Variants in ADGRL1 observed in about 807,000 individuals in gnomAD.
ADGRL1 encodes adhesion G protein-coupled receptor L1, also known as CIRL-1.
In ADGRL1, 31 loss-of-function variants were observed where a neutral mutation model predicts 148.9. The observed-to-expected ratio is 0.21, with a 90% CI of 0.16 to 0.28. ADGRL1 has a LOEUF of 0.28. Among genes scored for constraint, ADGRL1 ranks in the 10% least tolerant of loss-of-function variants. The pLI is 1.00. For synonymous variants in ADGRL1, 937 were observed against 900.3 expected, an observed-to-expected ratio of 1.04 and a Z score of -0.73; for missense variants, 1,521 against 2,058.8, an observed-to-expected ratio of 0.74 and a Z score of 5.05.
At position 14,151,316 on chromosome 19, in the gene ADGRL1, C is replaced by T; in HGVS notation, c.3967G>A (p.Ala1323Thr). Residue 1323 changes from alanine to threonine, a missense_variant, in exon 23 of 23, where the codon GCT becomes ACT. By Grantham distance (58) the Ala-to-Thr change is moderately conservative. Around this residue, in one of 8 missense-constraint regions of ADGRL1, gnomAD observed 390 missense variants for 375.0 expected, o/e 1.04. Coordinates refer to ENST00000361434, the MANE Select transcript of ADGRL1 (RefSeq NM_014921.5). Reference sequence around the variant, plus strand: ...AGAAGTTCAATCTCGGCCCGGTCAGCACCCCCGGGCCCGCCCGCCTCTTCC... The same window carrying T: ...AGAAGTTCAATCTCGGCCCGGTCAGTACCCCCGGGCCCGCCCGCCTCTTCC... ...GEEEAGGPGG[A>T]DRAEIELLYK... The T allele has an allele frequency of 6.3e-7, 1 of 1,592,784 alleles. No homozygotes were observed. Among genetic ancestry groups the T allele is most frequent in the Non-Finnish European group, 8.5e-7 (1 of 1,170,812 alleles).
rs969243872 is a variant in ADGRL1 at position 14,181,054 on chromosome 19, AT to A, written c.70+2478del. On this transcript the variant is annotated intron_variant, in intron 2 of 22. Transcript: ENST00000361434. ...CAGAGCGAGACTCCATCTCGAAAAA[AT>A]AAATAAATAAAAAATAAATAAACTG... Among the ~76,000 whole-genome samples the A allele has an allele frequency of 2.4e-4, 36 of 152,146 alleles. 1 individual carries two copies. Among genetic ancestry groups the A allele is most frequent in the South Asian group, 1.7e-3 (8 of 4,820 alleles).
chr19:14,192,304 G>A (rs559817013), intron 1 of ADGRL1, among the ~76,000 whole-genome samples: 3 of 151,990 alleles, frequency 2.0e-5, no homozygotes, highest in East Asian at 3.9e-4. Flanking sequence ...GCAGTGGCGC[G>A]ATCTCGGCTC....
intron 1 of ADGRL1, chr19:14,191,362 G>A (rs1198274222): frequency 2.2e-6 from 1 of 456,478 alleles, no homozygotes; most frequent in Non-Finnish European, 4.4e-6. Flanking sequence ...TTTTCTTCTT[G>A]GTAAAACGGG....
At position 14,152,953 on chromosome 19, in the gene ADGRL1, T is replaced by G. The variant is rs770032962; in HGVS notation, c.3295-41A>C. The G allele has an allele frequency of 1.2e-6, 2 of 1,605,442 alleles. No homozygotes were observed. The highest frequency in any genetic ancestry group is 1.1e-5 in the South Asian group (1 of 90,150). ...CAGTCAGCTGGCTGGGACACTGGCC[T>G]CCTCTGTGATCCAGTCTCCCACAGG... On this transcript the variant is annotated intron_variant, in intron 18 of 22. Coordinates refer to ENST00000361434, the MANE Select transcript of ADGRL1 (RefSeq NM_014921.5). This position sits in a 1 kb window ranked among gnomAD's most constrained non-coding sequence, Gnocchi z 6.1.
intron 1 of ADGRL1, 142 bp from the exon 2 acceptor site, chr19:14,183,839 G>A (rs533548943): frequency 1.5e-5 from 8 of 543,288 alleles, no homozygotes; most frequent in African/African-American, 3.9e-5. Flanking sequence ...CCCCTCCGGG[G>A]TCTGCAGCTC....
At chr19:14,163,432 G>A (rs775366924) in intron 4 of ADGRL1, 26 bp from the exon 5 acceptor site, 11 of 1,490,418 alleles carry the variant, frequency 7.4e-6, no homozygotes, top group South Asian at 2.5e-5. Flanking sequence ...GGGAGGGGAG[G>A]AGGTAGGAGA....
chr19:14,172,805 C>T (rs1970569096), intron 3 of ADGRL1, among the ~76,000 whole-genome samples: 1 of 152,134 alleles, frequency 6.6e-6, no homozygotes, highest in Non-Finnish European at 1.5e-5. Context: ...TGTATTTGCT[C>T]CCTGTCTGTT....
chr19:14,201,745 G>A (rs1192979986), intron 1 of ADGRL1, among the ~76,000 whole-genome samples: 1 of 152,066 alleles, frequency 6.6e-6, no homozygotes, highest in Non-Finnish European at 1.5e-5. Flanking sequence ...GCACACTGTG[G>A]GCCAGTGATG....
chr19:14,159,221 G>A lies in ADGRL1; in HGVS notation c.2024-6C>T. ...CAGGACTGTGACCTCCAGGACTGTG[G>A]GGACAGGGGAAGGCAAGGCATACAC... On this transcript the variant is annotated splice_polypyrimidine_tract_variant and splice_region_variant and intron_variant, in intron 10 of 22. Coordinates refer to ENST00000361434, the MANE Select transcript of ADGRL1 (RefSeq NM_014921.5). This position sits in a 1 kb window ranked among gnomAD's most constrained non-coding sequence, Gnocchi z 6.0. The A allele has an allele frequency of 6.2e-7, 1 of 1,613,962 alleles. No individual in the cohort carries two copies. Among genetic ancestry groups the A allele is most frequent in the Non-Finnish European group, 8.5e-7 (1 of 1,179,894 alleles).
intron 16 of ADGRL1, among the ~76,000 whole-genome samples, 186 bp downstream of exon 16, chr19:14,156,472 T>C: frequency 6.6e-6 from 1 of 151,130 alleles, no homozygotes; most frequent in East Asian, 2.0e-4. Flanking sequence ...CGAGCAGCCC[T>C]CAGCACTGGA....
At position 14,184,860 on chromosome 19, in the gene ADGRL1, C is replaced by CT. The variant is rs571676471; in HGVS notation, c.-95-1164dup. Among the ~76,000 whole-genome samples, 1,025 of 152,088 alleles carry CT rather than the reference C, an allele frequency of 6.7e-3. 6 individuals are homozygous for CT. Among genetic ancestry groups the CT allele is most frequent in the Admixed American group, 0.01 (158 of 15,248 alleles). On this transcript the variant is annotated intron_variant, in intron 1 of 22. Transcript: ENST00000361434. ...TTCACCGTGTTAGCCAGGATGGTCT[C>CT]TATCTCCTGACCTCGTGATCCGCCC...
chr19:14,174,424 C>T (rs1399256375), intron 3 of ADGRL1, among the ~76,000 whole-genome samples: 1 of 152,062 alleles, frequency 6.6e-6, no homozygotes, highest in Non-Finnish European at 1.5e-5. Context: ...GAGGTGCCTC[C>T]AGCCCAGCCC....
rs185539601 is a variant in ADGRL1, at chr19:14,161,743, G to A, written c.1196-117C>T. The A allele has an allele frequency of 9.4e-4, 678 of 723,698 alleles. 5 individuals carry two copies. In the African/African-American group the frequency reaches 0.011, roughly 12 times the overall value. 44.8% of individuals were successfully genotyped at this position (723,698 alleles called of 1,614,324 possible). A position where few individuals can be genotyped will look rare whatever the true frequency, so the allele number is the denominator to read the frequency against. ...TCCTCATCTACTGAAGTGGAAACACGTGCCGGGCCCCACTGGGTCTATGAG... is the reference window on the plus strand; with the variant it reads ...TCCTCATCTACTGAAGTGGAAACACATGCCGGGCCCCACTGGGTCTATGAG... On this transcript the variant is annotated intron_variant, in intron 5 of 22. Coordinates refer to ENST00000361434, the MANE Select transcript of ADGRL1 (RefSeq NM_014921.5). This position sits in a 1 kb window ranked among gnomAD's most constrained non-coding sequence, Gnocchi z 4.4.
chr19:14,169,530 A>C (rs1485200445), intron 4 of ADGRL1: 1 of 152,338 alleles, frequency 6.6e-6, no homozygotes, highest in East Asian at 1.9e-4. Context: ...GAAGGCCTCA[A>C]GCGCTGAAAG....
At chr19:14,195,598 C>T (rs1174394651) in intron 1 of ADGRL1, among the ~76,000 whole-genome samples, 4 of 152,142 alleles carry the variant, frequency 2.6e-5, no homozygotes, top group Admixed American at 6.6e-5. Flanking sequence ...GCCCACTCCC[C>T]AAACCCAGCC....
chr19:14,177,649 T>C lies in ADGRL1; in HGVS notation c.166A>G (p.Ile56Val), dbSNP rs140608146. ...IELRCPGSDV[I>V]MVENANYGRT... ...CCGTAGTTGGCATTCTCCACCATGATGACGTCGCTGCCGGGGCACCGCAGC... is the reference window on the plus strand; with the variant it reads ...CCGTAGTTGGCATTCTCCACCATGACGACGTCGCTGCCGGGGCACCGCAGC... Residue 56 changes from isoleucine to valine, a missense_variant, in exon 3 of 23, where the codon ATC becomes GTC. By Grantham distance (29) the Ile-to-Val change is conservative. This residue lies in a region of ADGRL1 where 334 missense variants were observed against 512.5 expected (regional missense o/e 0.65). Transcript: ENST00000361434. 497 of 1,614,196 alleles carry C rather than the reference T, an allele frequency of 3.1e-4. 2 individuals are homozygous for C. In the African/African-American group the frequency reaches 6.0e-3, roughly 19 times the overall value.
In ADGRL1 at chr19:14,162,885, C is replaced by T. The variant is rs1409223833; in HGVS notation, c.916G>A (p.Asp306Asn). The change falls in exon 5 of 23, where the codon GAC (aspartate) becomes AAC (asparagine). Residue 306 changes from aspartate to asparagine, a missense_variant. By Grantham distance (23) the Asp-to-Asn change is conservative. Transcript: ENST00000361434. The surrounding 1 kb of genome is among the most constrained non-coding windows in gnomAD (Gnocchi z 5.4). ...AAGGCGTTGGATGCCGAGCGCTTGT[C>T]GTAACCCGTCTCCCACGTGCCCTCA... ...RFEGTWETGY[D>N]KRSASNAFMV... 6 of 1,613,900 alleles carry T rather than the reference C, an allele frequency of 3.7e-6. No homozygotes were observed. Among genetic ancestry groups the T allele is most frequent in the East Asian group, 2.2e-5 (1 of 44,870 alleles).
intron 1 of ADGRL1, among the ~76,000 whole-genome samples, chr19:14,197,441 T>C (rs1361325730): frequency 6.6e-6 from 1 of 151,852 alleles, no homozygotes; most frequent in East Asian, 1.9e-4. Context: ...CAGAACGATC[T>C]TTGCAAAATG....
Position 14,152,641 on chromosome 19 carries a change from A to T in ADGRL1, c.3424-28T>A. ...GGGAACACAACCCAAATGTGAGGGG[A>T]TCCTTGGGCCACCCACCCTCTGGCG... On this transcript the variant is annotated intron_variant, in intron 19 of 22. Coordinates refer to ENST00000361434, the MANE Select transcript of ADGRL1 (RefSeq NM_014921.5). The surrounding 1 kb of genome is among the most constrained non-coding windows in gnomAD (Gnocchi z 6.1). 1 of 1,608,244 alleles carries T rather than the reference A, an allele frequency of 6.2e-7. No homozygotes were observed. The highest frequency in any genetic ancestry group is 8.5e-7 in the Non-Finnish European group (1 of 1,175,208).
Sources: allele counts gnomAD v4.1 joint callset (sites outside exome capture counted in the v4.1 genomes callset), GRCh38; gene constraint gnomAD v4.1.1; regional missense constraint gnomAD v4.1.1; non-coding constraint Gnocchi (gnomAD v3.1); transcripts MANE v1.5; gene names NCBI Gene and HGNC (gene_info 2026-07-23, HGNC 2026-07-21).